MCTP1: variants seen among roughly 807,000 people sequenced by gnomAD.
MCTP1 encodes the protein multiple C2 and transmembrane domain-containing protein 1.
In MCTP1, 69 loss-of-function variants were observed where a neutral mutation model predicts 120.6. The ratio of observed to expected loss-of-function variants is 0.57; its 90% CI spans 0.47 to 0.70. MCTP1 has a LOEUF of 0.70. Ranked by LOEUF, MCTP1 falls within the 30% of genes least tolerant of loss-of-function variation. MCTP1 has a pLI of 0.00. For synonymous variants in MCTP1, 529 were observed against 493.1 expected (o/e 1.07, Z -0.96); for missense variants, 1,203 against 1,248.8 (o/e 0.96, Z 0.55).
At chr5:95,147,235 G>A (rs537729949) in intron 1 of MCTP1, among the ~76,000 whole-genome samples, 31 of 152,052 alleles carry the variant, frequency 2.0e-4, no homozygotes, top group African/African-American at 5.1e-4. Context: ...TACAGGTGCC[G>A]CCACCATGCC....
chr5:94,705,002 G>GTAATAGTTTATGAATA lies in MCTP1; in HGVS notation c.*2478_*2493dup, dbSNP rs542470051. The GTAATAGTTTATGAATA allele has an allele frequency of 5.1e-4, 77 of 151,378 alleles. No homozygotes were observed. Among genetic ancestry groups the GTAATAGTTTATGAATA allele is most frequent in the Admixed American group, 3.8e-3 (58 of 15,174 alleles). 9.4% of individuals were successfully genotyped at this position (151,378 alleles called of 1,614,324 possible). On this transcript the variant is annotated 3_prime_UTR_variant, in exon 23 of 23. Coordinates refer to ENST00000515393, the MANE Select transcript of MCTP1 (RefSeq NM_024717.7). ...TTATGAATTATCACAACGAATGTCAGTAATAGTTTATGAATATAAATAATG... is the reference window on the plus strand; with the variant it reads ...TTATGAATTATCACAACGAATGTCAGTAATAGTTTATGAATATAATAGTTTATGAATATAAATAATG...
intron 1 of MCTP1, among the ~76,000 whole-genome samples, chr5:95,075,941 T>A: frequency 6.6e-6 from 1 of 152,178 alleles, no homozygotes; most frequent in African/African-American, 2.4e-5. Flanking sequence ...ACTTCCTCTG[T>A]CTGGTGTATT....
In MCTP1 at chr5:95,187,549, G is replaced by A. The variant is rs187490986; in HGVS notation, c.720+96307C>T. 1.2e-4 allele frequency among the ~76,000 whole-genome samples: 18 copies of A among 152,196 alleles called. No individual in the cohort carries two copies. In the East Asian group the frequency reaches 2.3e-3, roughly 20 times the overall value. ...CAAGTAGCTGGGACTACAGGCACCC[G>A]CCACCACGCCCGGCTAATTGTTTGA... On this transcript the variant is annotated intron_variant, in intron 1 of 22. Coordinates refer to ENST00000515393, the MANE Select transcript of MCTP1 (RefSeq NM_024717.7).
chr5:95,041,339 C>T (rs6880819), intron 1 of MCTP1, among the ~76,000 whole-genome samples: 4 of 142,682 alleles, frequency 2.8e-5, no homozygotes, highest in South Asian at 2.2e-4. Flanking sequence ...AAAGAAAAAA[C>T]AAAAAGAAAG....
chr5:94,859,251 GCTCTTGCCATAGAAGAACAAAACT>G (rs1264535341), intron 17 of MCTP1, among the ~76,000 whole-genome samples: 3 of 151,618 alleles, frequency 2.0e-5, no homozygotes, highest in Non-Finnish European at 1.5e-5. Context: ...CACGCAATAG[GCTCTTGCCATAGAAGAACAAAACT>G]CTATTTAAAA....
intron 17 of MCTP1, among the ~76,000 whole-genome samples, chr5:94,866,384 C>T (rs2069619664): frequency 1.3e-5 from 2 of 151,956 alleles, no homozygotes; most frequent in South Asian, 4.1e-4. Context: ...TCACATTCAA[C>T]AGAATGTGAT....
chr5:95,244,232 G>A (rs768859241), intron 1 of MCTP1, among the ~76,000 whole-genome samples: 4 of 152,196 alleles, frequency 2.6e-5, no homozygotes, highest in African/African-American at 4.8e-5. Flanking sequence ...ATGTACATCT[G>A]TATATCGGTC....
intron 17 of MCTP1, among the ~76,000 whole-genome samples, chr5:94,806,280 G>GA (rs892123589): frequency 6.0e-5 from 9 of 149,134 alleles, no homozygotes; most frequent in East Asian, 5.9e-4. Context: ...CATTTTTACA[G>GA]AAAAAAAAAG....
At chr5:94,854,932 T>TAC (rs1369998889) in intron 17 of MCTP1, among the ~76,000 whole-genome samples, 1 of 151,888 alleles carries the variant, frequency 6.6e-6, no homozygotes, top group Admixed American at 6.6e-5. Flanking sequence ...TTGAATCATT[T>TAC]CTGTGGTTTC....
At chr5:95,118,371 C>CA (rs1198413022) in intron 1 of MCTP1, among the ~76,000 whole-genome samples, 4 of 149,942 alleles carry the variant, frequency 2.7e-5, no homozygotes, top group Non-Finnish European at 4.4e-5. Context: ...AACCTCAAAT[C>CA]AAAAAAAACA....
At chr5:95,259,121 A>G (rs1170330205) in intron 1 of MCTP1, among the ~76,000 whole-genome samples, 1 of 152,216 alleles carries the variant, frequency 6.6e-6, no homozygotes, top group Admixed American at 6.5e-5. Flanking sequence ...CCACTACAGC[A>G]GAAGAAGCCA....
chr5:94,722,867 C>T (rs530051554), intron 19 of MCTP1, among the ~76,000 whole-genome samples: 3 of 152,196 alleles, frequency 2.0e-5, no homozygotes, highest in Admixed American at 6.5e-5. Flanking sequence ...TTATGTTTCC[C>T]GTGATGGATG....
intron 1 of MCTP1, among the ~76,000 whole-genome samples, chr5:95,047,605 T>C (rs1744887589): frequency 6.6e-6 from 1 of 152,180 alleles, no homozygotes; most frequent in African/African-American, 2.4e-5. Flanking sequence ...AAGGCCATTA[T>C]TATCATGTCC....
chr5:95,094,705 G>C (rs1756094449), intron 1 of MCTP1, among the ~76,000 whole-genome samples: 1 of 152,058 alleles, frequency 6.6e-6, no homozygotes, highest in Admixed American at 6.6e-5. Context: ...ATCTGATTTT[G>C]ATAAATACCA....
intron 1 of MCTP1, among the ~76,000 whole-genome samples, chr5:95,087,450 G>A (rs567945431): frequency 6.6e-6 from 1 of 152,308 alleles, no homozygotes; most frequent in Non-Finnish European, 1.5e-5. Context: ...CAGCACTCAA[G>A]CTTCCTTTAA....
At chr5:95,178,283 A>T (rs1748234697) in intron 1 of MCTP1, among the ~76,000 whole-genome samples, 1 of 152,184 alleles carries the variant, frequency 6.6e-6, no homozygotes, top group African/African-American at 2.4e-5. Flanking sequence ...GCTGAAGACA[A>T]AGAACATAAT....
At chr5:95,144,461 T>G (rs1040920199) in intron 1 of MCTP1, among the ~76,000 whole-genome samples, 1 of 152,184 alleles carries the variant, frequency 6.6e-6, no homozygotes, top group African/African-American at 2.4e-5. Flanking sequence ...TTTGGAGACT[T>G]AGCCATCAAT....
At chr5:95,103,788 A>G (rs1228840700) in intron 1 of MCTP1, among the ~76,000 whole-genome samples, 2 of 152,198 alleles carry the variant, frequency 1.3e-5, no homozygotes, top group Admixed American at 6.5e-5. Context: ...TGGCCTTGAA[A>G]GCAAATTGCT....
intron 1 of MCTP1, among the ~76,000 whole-genome samples, chr5:95,190,778 T>C (rs569007138): frequency 3.3e-5 from 5 of 152,092 alleles, no homozygotes; most frequent in Non-Finnish European, 7.4e-5. Context: ...TGATGTACAT[T>C]TGAGAAGACA....
Sources: gnomAD v4.1 joint callset for allele counts (sites outside exome capture counted in the v4.1 genomes callset) on GRCh38, gnomAD v4.1.1 for gene constraint, MANE v1.5 for transcripts, NCBI Gene and HGNC (gene_info 2026-07-23, HGNC 2026-07-21) for gene names.